GRIK3: variants seen among roughly 807,000 people sequenced by gnomAD.
The protein encoded by GRIK3 is glutamate receptor ionotropic, kainate 3.
In GRIK3, 29 loss-of-function variants were observed where a neutral mutation model predicts 102.5. The observed-to-expected ratio is 0.28, with a 90% confidence interval of 0.21 to 0.39. The LOEUF is 0.39. Ranked by LOEUF, GRIK3 falls within the 10% of genes least tolerant of loss-of-function variation. The pLI is 1.00. For missense variants in GRIK3, 908 were observed against 1,252.4 expected, an observed-to-expected ratio of 0.73 and a Z score of 4.15; for synonymous variants, 511 against 504.9, an observed-to-expected ratio of 1.01 and a Z score of -0.16.
At chr1:36,816,296 G>A (rs140906255) in intron 13 of GRIK3, among the ~76,000 whole-genome samples, 4 of 152,282 alleles carry the variant, frequency 2.6e-5, no homozygotes, top group South Asian at 2.1e-4. Context: ...AGCATTTAGC[G>A]CAGCTCTTGG....
chr1:36,908,613 C>A (rs928893794), intron 1 of GRIK3, among the ~76,000 whole-genome samples: 1 of 152,186 alleles, frequency 6.6e-6, no homozygotes, highest in African/African-American at 2.4e-5. Context: ...TTTAAAGAGG[C>A]TAATAAGTAG....
chr1:36,838,582 G>C (rs571637619), intron 10 of GRIK3, among the ~76,000 whole-genome samples: 6 of 152,294 alleles, frequency 3.9e-5, no homozygotes, highest in Admixed American at 3.9e-4. Flanking sequence ...ACCCTTGGAA[G>C]ACCATGTGGC....
chr1:36,893,400 G>A (rs778715560), intron 1 of GRIK3, among the ~76,000 whole-genome samples: 1 of 152,104 alleles, frequency 6.6e-6, no homozygotes. Context: ...CAAAAGAAAA[G>A]AAAATAATAC....
chr1:36,881,690 T>G (rs1429600921), intron 2 of GRIK3, among the ~76,000 whole-genome samples: 1 of 152,180 alleles, frequency 6.6e-6, no homozygotes, highest in Non-Finnish European at 1.5e-5. Context: ...TATTCTGCAC[T>G]CAGCAGCCAG....
intron 1 of GRIK3, among the ~76,000 whole-genome samples, chr1:36,993,934 G>A: frequency 6.6e-6 from 1 of 152,176 alleles, no homozygotes; most frequent in East Asian, 1.9e-4. Flanking sequence ...CTCAATCTAA[G>A]CCTAATCCTG....
intron 1 of GRIK3, among the ~76,000 whole-genome samples, chr1:36,905,822 A>T (rs1443845924): frequency 6.6e-6 from 1 of 152,242 alleles, no homozygotes; most frequent in East Asian, 1.9e-4. Flanking sequence ...GCCTGGAAAG[A>T]GGTCTGGTTA....
intron 13 of GRIK3, among the ~76,000 whole-genome samples, chr1:36,814,300 TG>T (rs1324423536): frequency 6.6e-6 from 1 of 152,124 alleles, no homozygotes; most frequent in African/African-American, 2.4e-5. Flanking sequence ...TCGGGAGCCC[TG>T]CTTAGAGATG....
Position 36,991,217 on chromosome 1 carries a change from G to T in GRIK3, c.115+42777C>A, listed in dbSNP as rs151116468. Among the ~76,000 whole-genome samples, 874 of 152,310 alleles carry T rather than the reference G, an allele frequency of 5.7e-3. 10 individuals carry two copies. The highest frequency in any genetic ancestry group is 0.019 in the African/African-American group (795 of 41,560). Reference sequence around the variant, plus strand: ...GATTCAACAGGCTCGTGTGCATGAGGCATCTAGAACGGTGTAGGTATATCA... The same window carrying T: ...GATTCAACAGGCTCGTGTGCATGAGTCATCTAGAACGGTGTAGGTATATCA... On this transcript the variant is annotated intron_variant, in intron 1 of 15. Coordinates refer to ENST00000373091, the MANE Select transcript of GRIK3 (RefSeq NM_000831.4).
chr1:37,001,592 A>C (rs893818032), intron 1 of GRIK3, among the ~76,000 whole-genome samples: 6 of 152,050 alleles, frequency 3.9e-5, no homozygotes, highest in African/African-American at 1.4e-4. Context: ...GTGGGAATAG[A>C]CTGAGTTACT....
At position 36,819,022 on chromosome 1, in the gene GRIK3, C is replaced by T. The variant is rs1470237685; in HGVS notation, c.1873+714G>A. Among the ~76,000 whole-genome samples the T allele has an allele frequency of 6.6e-6, 1 of 152,190 alleles. No homozygotes were observed. Among genetic ancestry groups the T allele is most frequent in the African/African-American group, 2.4e-5 (1 of 41,448 alleles). ...TCTCCCTGTGCCTGCCCTCCTGCTC[C>T]CTGCTGTCTCTGCATCTGACTCCTG... is the stretch of plus-strand genomic sequence containing the variant. On this transcript the variant is annotated intron_variant, in intron 12 of 15. Coordinates refer to ENST00000373091, the MANE Select transcript of GRIK3 (RefSeq NM_000831.4). The surrounding 1 kb of genome is among the most constrained non-coding windows in gnomAD (Gnocchi z 4.1).
chr1:36,817,707 G>C (rs975849121), intron 12 of GRIK3, among the ~76,000 whole-genome samples: 4 of 152,194 alleles, frequency 2.6e-5, no homozygotes, highest in Admixed American at 2.6e-4. Context: ...GGGTTCTCGA[G>C]TGAATCCTGC....
chr1:36,837,120 C>A (rs1640389194), intron 10 of GRIK3, among the ~76,000 whole-genome samples: 1 of 152,056 alleles, frequency 6.6e-6, no homozygotes, highest in African/African-American at 2.4e-5. Flanking sequence ...CAGGGTCCCA[C>A]CCCAGGTCCT....
chr1:36,869,703 G>A (rs761342451), intron 5 of GRIK3, 45 bp downstream of exon 5: 1 of 1,389,340 alleles, frequency 7.2e-7, no homozygotes, highest in Non-Finnish European at 1.0e-6. Flanking sequence ...CTTGATCCAT[G>A]AGAGTCCCAC....
At chr1:36,897,345 C>A in intron 1 of GRIK3, among the ~76,000 whole-genome samples, 1 of 152,142 alleles carries the variant, frequency 6.6e-6, no homozygotes, top group East Asian at 1.9e-4. Flanking sequence ...CTATACCTAA[C>A]AATTAACAAT....
intron 10 of GRIK3, among the ~76,000 whole-genome samples, chr1:36,833,389 C>G (rs1243980388): frequency 6.6e-6 from 1 of 152,244 alleles, no homozygotes; most frequent in Non-Finnish European, 1.5e-5. Flanking sequence ...CACCTGCCCT[C>G]ATTCCCACCT....
At chr1:36,895,434 A>G (rs1245531402) in intron 1 of GRIK3, among the ~76,000 whole-genome samples, 2 of 140,502 alleles carry the variant, frequency 1.4e-5, no homozygotes, top group East Asian at 5.0e-4. Flanking sequence ...GAATTCTAAG[A>G]AAAAAAAAAG....
chr1:36,846,459 C>T (rs1416979472), intron 9 of GRIK3, among the ~76,000 whole-genome samples: 8 of 152,216 alleles, frequency 5.3e-5, no homozygotes, highest in Non-Finnish European at 1.5e-5. Flanking sequence ...GGAGGAGAAA[C>T]TCCCCCTTAT....
At chr1:36,854,783 C>G (rs1478297175) in intron 7 of GRIK3, among the ~76,000 whole-genome samples, 1 of 152,144 alleles carries the variant, frequency 6.6e-6, no homozygotes. Flanking sequence ...TCTACGTGGT[C>G]CTTTCACACT....
Position 36,806,176 on chromosome 1 carries a change from G to C in GRIK3, c.2242C>G (p.Gln748Glu). Residue 748 changes from glutamine (Q) to glutamate (E), a missense_variant, in exon 14 of 16, where the codon CAG becomes GAG. By Grantham distance (29) the Gln-to-Glu change is conservative (BLOSUM62 2). This residue lies in a region of GRIK3 where 297 missense variants were observed against 362.7 expected (regional missense o/e 0.82). Transcript: ENST00000373091. This position sits in a 1 kb window ranked among gnomAD's most constrained non-coding sequence, Gnocchi z 4.0. ...MESTTIEYVT[Q>E]RNCNLTQIGG... ...ATCTGGGTGAGGTTGCAGTTCCTCTGCGTGACGTACTCGATGGTGGTGGAC... is the reference window on the plus strand; with the variant it reads ...ATCTGGGTGAGGTTGCAGTTCCTCTCCGTGACGTACTCGATGGTGGTGGAC... The C allele has an allele frequency of 6.2e-7, 1 of 1,614,172 alleles. No homozygotes were observed. The highest frequency in any genetic ancestry group is 1.1e-5 in the South Asian group (1 of 91,080).
Sources: allele counts gnomAD v4.1 joint callset (sites outside exome capture counted in the v4.1 genomes callset), GRCh38; gene constraint gnomAD v4.1.1; regional missense constraint gnomAD v4.1.1; non-coding constraint Gnocchi (gnomAD v3.1); transcripts MANE v1.5; gene names NCBI Gene and HGNC (gene_info 2026-07-23, HGNC 2026-07-21).